PTPRD: variants seen among roughly 807,000 people sequenced by gnomAD.
The protein encoded by PTPRD is receptor-type tyrosine-protein phosphatase delta.
PTPRD carries 34 observed loss-of-function variants against 214.5 expected under a neutral mutation model. The ratio of observed to expected loss-of-function variants is 0.16; its 90% CI spans 0.12 to 0.21. The LOEUF is 0.21. Ranked by LOEUF, PTPRD falls within the 10% of genes least tolerant of loss-of-function variation. The pLI is 1.00. For missense variants in PTPRD, 2,545 were observed against 2,398.7 expected (o/e 1.06, Z -1.27); for synonymous variants, 1,128 against 845.7 (o/e 1.33, Z -5.79).
intron 3 of PTPRD, among the ~76,000 whole-genome samples, chr9:10,175,621 T>G (rs1212330222): frequency 6.6e-6 from 1 of 152,044 alleles, no homozygotes; most frequent in African/African-American, 2.4e-5. Flanking sequence ...ATTAGCAAAC[T>G]AATGTTACCC....
At chr9:9,232,945 C>T (rs994704856) in intron 9 of PTPRD, among the ~76,000 whole-genome samples, 2 of 152,028 alleles carry the variant, frequency 1.3e-5, no homozygotes, top group African/African-American at 4.8e-5. Flanking sequence ...CTACTCTAAC[C>T]CTCCTTGTTC....
intron 36 of PTPRD, among the ~76,000 whole-genome samples, chr9:8,396,125 C>T (rs1180474901): frequency 6.7e-6 from 1 of 148,624 alleles, no homozygotes; most frequent in Non-Finnish European, 1.5e-5. Flanking sequence ...CACTCAGATG[C>T]TCAGTCTCCT....
chr9:9,177,238 T>C (rs1292677670), intron 10 of PTPRD, among the ~76,000 whole-genome samples: 1 of 151,922 alleles, frequency 6.6e-6, no homozygotes, highest in East Asian at 1.9e-4. Flanking sequence ...TCAGATCTCA[T>C]GAGAACTCAC....
chr9:8,556,655 G>A (rs1285122283), intron 14 of PTPRD, among the ~76,000 whole-genome samples: 1 of 151,912 alleles, frequency 6.6e-6, no homozygotes, highest in Non-Finnish European at 1.5e-5. Flanking sequence ...ATATACAAGG[G>A]TTTGCTATAT....
intron 3 of PTPRD, among the ~76,000 whole-genome samples, chr9:10,306,122 G>A (rs1013551871): frequency 2.6e-5 from 4 of 151,994 alleles, no homozygotes; most frequent in Non-Finnish European, 5.9e-5. Flanking sequence ...GTCCTTTGCA[G>A]GGACATGGAT....
intron 9 of PTPRD, among the ~76,000 whole-genome samples, chr9:9,395,744 T>C (rs1257259309): frequency 1.3e-5 from 2 of 152,036 alleles, no homozygotes; most frequent in East Asian, 1.9e-4. Context: ...CTGGAAAGCA[T>C]TCACAACGTC....
At chr9:10,015,712 G>C (rs2096694031) in intron 4 of PTPRD, among the ~76,000 whole-genome samples, 1 of 152,260 alleles carries the variant, frequency 6.6e-6, no homozygotes, top group Non-Finnish European at 1.5e-5. Context: ...AGGAGTAGCA[G>C]AAAGAAGAGA....
intron 2 of PTPRD, among the ~76,000 whole-genome samples, chr9:10,418,200 A>T (rs1054022145): frequency 6.6e-6 from 1 of 151,886 alleles, no homozygotes; most frequent in Non-Finnish European, 1.5e-5. Flanking sequence ...TGACAAAAGC[A>T]TTCAATCTAT....
intron 7 of PTPRD, among the ~76,000 whole-genome samples, chr9:9,580,495 G>C (rs1361304952): frequency 6.7e-6 from 1 of 148,282 alleles, no homozygotes; most frequent in Non-Finnish European, 1.5e-5. Flanking sequence ...TTGGCCATTT[G>C]TATGTTTTCT....
chr9:9,943,598 T>C (rs2092018746), intron 4 of PTPRD, among the ~76,000 whole-genome samples: 2 of 152,046 alleles, frequency 1.3e-5, no homozygotes, highest in South Asian at 2.1e-4. Context: ...TTAGAAGATA[T>C]TAGAAGCTGT....
At chr9:10,288,901 C>G (rs1596250007) in intron 3 of PTPRD, among the ~76,000 whole-genome samples, 1 of 152,016 alleles carries the variant, frequency 6.6e-6, no homozygotes, top group East Asian at 1.9e-4. Flanking sequence ...TCTAACCTTG[C>G]TATCATCTGT....
intron 7 of PTPRD, among the ~76,000 whole-genome samples, chr9:9,712,711 A>G (rs1031940324): frequency 6.6e-6 from 1 of 152,204 alleles, no homozygotes; most frequent in Non-Finnish European, 1.5e-5. Context: ...TAGTTTATCC[A>G]TTGGTCTCAG....
chr9:8,601,809 G>C (rs1000569127), intron 14 of PTPRD, among the ~76,000 whole-genome samples: 5 of 152,108 alleles, frequency 3.3e-5, no homozygotes, highest in Non-Finnish European at 7.4e-5. Flanking sequence ...GGTTGGAAAA[G>C]GAAAATTAGA....
intron 3 of PTPRD, among the ~76,000 whole-genome samples, chr9:10,119,446 T>C (rs1197466333): frequency 6.6e-6 from 1 of 152,010 alleles, no homozygotes; most frequent in Non-Finnish European, 1.5e-5. Context: ...ACTTCTAATT[T>C]AGTACATGAA....
chr9:9,188,746 G>C (rs1371427991), intron 9 of PTPRD, among the ~76,000 whole-genome samples: 2 of 151,888 alleles, frequency 1.3e-5, no homozygotes, highest in Admixed American at 6.6e-5. Flanking sequence ...GAGAGACATG[G>C]TATTCTGTGG....
At chr9:10,467,111 T>C (rs1003802830) in intron 2 of PTPRD, among the ~76,000 whole-genome samples, 1 of 152,210 alleles carries the variant, frequency 6.6e-6, no homozygotes, top group African/African-American at 2.4e-5. Flanking sequence ...TTTTGAAGTG[T>C]GCTATGACCA....
chr9:9,217,462 A>G (rs2099953060), intron 9 of PTPRD, among the ~76,000 whole-genome samples: 1 of 152,114 alleles, frequency 6.6e-6, no homozygotes, highest in South Asian at 2.1e-4. Context: ...GCAACACTCA[A>G]ATTCATTATG....
At chr9:8,686,808 T>G (rs2097690057) in intron 12 of PTPRD, among the ~76,000 whole-genome samples, 1 of 152,196 alleles carries the variant, frequency 6.6e-6, no homozygotes, top group South Asian at 2.1e-4. Context: ...TTGACGCATT[T>G]AAAGCTAACT....
intron 11 of PTPRD, among the ~76,000 whole-genome samples, chr9:8,965,102 G>A (rs1422262909): frequency 6.6e-6 from 1 of 152,070 alleles, no homozygotes; most frequent in Non-Finnish European, 1.5e-5. Context: ...GTTAGGCCAG[G>A]CACAGTGGTT....
Sources: gnomAD v4.1 joint callset for allele counts (sites outside exome capture counted in the v4.1 genomes callset) on GRCh38, gnomAD v4.1.1 for gene constraint, MANE v1.5 for transcripts, NCBI Gene and HGNC (gene_info 2026-07-23, HGNC 2026-07-21) for gene names.